The following EPHA3 variants were observed in gnomAD, a reference collection of about 807,000 sequenced individuals.
EPHA3 encodes EPH receptor A3.
In EPHA3, 42 loss-of-function variants were observed where a neutral mutation model predicts 107.1. That is an observed-to-expected ratio of 0.39 (90% CI 0.31 to 0.51). EPHA3 has a LOEUF of 0.51. Ranked by LOEUF, EPHA3 falls within the 20% of genes least tolerant of loss-of-function variation. The pLI is 0.78. For synonymous variants in EPHA3, 461 were observed against 424.8 expected, an observed-to-expected ratio of 1.09 and a Z score of -1.05; for missense variants, 1,183 against 1,211.2, an observed-to-expected ratio of 0.98 and a Z score of 0.35.
chr3:89,477,311 A>AAGCTCTCCAGAG (rs1710536089), intron 16 of EPHA3, among the ~76,000 whole-genome samples: 1 of 152,148 alleles, frequency 6.6e-6, no homozygotes, highest in South Asian at 2.1e-4. Context: ...GGCCTAAGGC[A>AAGCTCTCCAGAG]AGGCACAAGC....
Position 89,208,466 on chromosome 3 carries a change from GA to G in EPHA3, c.154-1391del, listed in dbSNP as rs1320116517. 6.7e-4 allele frequency among the ~76,000 whole-genome samples: 86 copies of G among 128,080 alleles called. 1 individual carries two copies. The highest frequency in any genetic ancestry group is 9.3e-4 in the Non-Finnish European group (57 of 61,538). 84.0% of individuals were successfully genotyped at this position (128,080 alleles called of 152,430 possible). On this transcript the variant is annotated intron_variant, in intron 2 of 16. Coordinates refer to ENST00000336596, the MANE Select transcript of EPHA3 (RefSeq NM_005233.6). ...AGAAAGAAAGAAAGAAAGAAAGAAAGAAAGAAAGAAAGAAAGAGAAAAAGAA... is the reference window on the plus strand; with the variant it reads ...AGAAAGAAAGAAAGAAAGAAAGAAAGAAGAAAGAAAGAAAGAGAAAAAGAA...
intron 2 of EPHA3, among the ~76,000 whole-genome samples, chr3:89,128,148 CT>C (rs1169216285): frequency 6.6e-6 from 1 of 152,118 alleles, no homozygotes. Flanking sequence ...ATTGTAATTA[CT>C]TCCACTTCGT....
intron 2 of EPHA3, among the ~76,000 whole-genome samples, chr3:89,148,774 G>A (rs1250157232): frequency 6.6e-6 from 1 of 151,944 alleles, no homozygotes; most frequent in African/African-American, 2.4e-5. Flanking sequence ...ACTGGTGAAT[G>A]CATCTGAATT....
rs139844377 is a variant in EPHA3 at position 89,391,200 on chromosome 3, T to C, written c.1307-4637T>C. ...AGAAACATTTGAAAGAAGAATAGATTGAAAGCATCATGCAATTCCACTGAC... is the reference window on the plus strand; with the variant it reads ...AGAAACATTTGAAAGAAGAATAGATCGAAAGCATCATGCAATTCCACTGAC... On this transcript the variant is annotated intron_variant, in intron 5 of 16. Transcript: ENST00000336596. Among the ~76,000 whole-genome samples the C allele has an allele frequency of 2.9e-3, 437 of 152,230 alleles. 3 individuals are homozygous for C. Among genetic ancestry groups the C allele is most frequent in the East Asian group, 0.013 (67 of 5,156 alleles).
chr3:89,460,074 ATG>A (rs1258737358), intron 15 of EPHA3, among the ~76,000 whole-genome samples: 1 of 152,070 alleles, frequency 6.6e-6, no homozygotes, highest in Non-Finnish European at 1.5e-5. Context: ...AAAAATGAGA[ATG>A]TGTTTCTATT....
chr3:89,245,083 T>C (rs1181726273), intron 3 of EPHA3, among the ~76,000 whole-genome samples: 1 of 152,216 alleles, frequency 6.6e-6, no homozygotes, highest in East Asian at 1.9e-4. Flanking sequence ...TTGCAATGGT[T>C]TTGATTCACT....
intron 15 of EPHA3, among the ~76,000 whole-genome samples, chr3:89,466,631 G>T (rs1710281811): frequency 7.8e-6 from 1 of 128,470 alleles, no homozygotes; most frequent in African/African-American, 2.9e-5. Flanking sequence ...GACTCGGAAA[G>T]GGAACTCCCT....
intron 1 of EPHA3, among the ~76,000 whole-genome samples, chr3:89,126,070 T>C (rs1420726906): frequency 6.6e-6 from 1 of 151,766 alleles, no homozygotes; most frequent in Non-Finnish European, 1.5e-5. Context: ...GGAAACACTT[T>C]ATAAACAACA....
intron 3 of EPHA3, among the ~76,000 whole-genome samples, chr3:89,235,405 A>G (rs1201855290): frequency 1.3e-5 from 2 of 152,320 alleles, no homozygotes; most frequent in East Asian, 3.9e-4. Context: ...TTACATAAAT[A>G]TATCAACCCA....
chr3:89,213,901 C>T (rs1226550970), intron 3 of EPHA3, among the ~76,000 whole-genome samples: 1 of 151,866 alleles, frequency 6.6e-6, no homozygotes, highest in East Asian at 1.9e-4. Context: ...TTCCTCTTTG[C>T]CTTTAGCAGT....
chr3:89,236,749 T>C (rs1455405183), intron 3 of EPHA3, among the ~76,000 whole-genome samples: 6 of 152,126 alleles, frequency 3.9e-5, no homozygotes, highest in East Asian at 1.9e-4. Flanking sequence ...AAAGAGTAAG[T>C]CCTTAAATTC....
intron 6 of EPHA3, among the ~76,000 whole-genome samples, chr3:89,397,371 C>A (rs1048060241): frequency 6.6e-6 from 1 of 152,058 alleles, no homozygotes; most frequent in African/African-American, 2.4e-5. Flanking sequence ...TATAATAATT[C>A]ATGTTCATAA....
chr3:89,200,334 A>G (rs978715798), intron 2 of EPHA3, among the ~76,000 whole-genome samples: 1 of 152,246 alleles, frequency 6.6e-6, no homozygotes, highest in Non-Finnish European at 1.5e-5. Flanking sequence ...TGGTATATCC[A>G]AAATTCTAAG....
chr3:89,259,446 A>G (rs567569973), intron 3 of EPHA3, among the ~76,000 whole-genome samples: 1 of 152,372 alleles, frequency 6.6e-6, no homozygotes, highest in East Asian at 1.9e-4. Flanking sequence ...CTAGGCGTTC[A>G]CTAAATAAGT....
At chr3:89,127,000 T>C (rs1285252198) in intron 1 of EPHA3, among the ~76,000 whole-genome samples, 1 of 151,854 alleles carries the variant, frequency 6.6e-6, no homozygotes. Flanking sequence ...ATGCAAACAG[T>C]TTAAAAGGAC....
At chr3:89,345,008 A>G (rs2107427027) in intron 5 of EPHA3, among the ~76,000 whole-genome samples, 1 of 151,500 alleles carries the variant, frequency 6.6e-6, no homozygotes, top group Non-Finnish European at 1.5e-5. Flanking sequence ...AAATCTTCAA[A>G]CTTATAACGA....
In EPHA3 at chr3:89,107,831, A is replaced by G. The variant is rs745339448; in HGVS notation, c.83A>G (p.Asn28Ser). Residue 28 changes from asparagine to serine, a missense_variant, in exon 1 of 17, where the codon AAT (asparagine) becomes AGT (serine). Asn to Ser is a conservative substitution (Grantham distance 46, BLOSUM62 1). Coordinates refer to ENST00000336596, the MANE Select transcript of EPHA3 (RefSeq NM_005233.6). ...SFGELIPQPS[N>S]EVNLLDSKTI... ...GGGGAACTGATTCCGCAGCCTTCCA[A>G]TGAAGGTAAGCCAGGTACCGCGACG... 4 of 1,613,924 alleles carry G rather than the reference A, an allele frequency of 2.5e-6. No homozygotes were observed. The highest frequency in any genetic ancestry group is 1.7e-5 in the Admixed American group (1 of 60,022).
At chr3:89,132,850 G>T (rs1053285161) in intron 2 of EPHA3, among the ~76,000 whole-genome samples, 2 of 152,096 alleles carry the variant, frequency 1.3e-5, no homozygotes, top group Non-Finnish European at 2.9e-5. Context: ...CGACTGAGCC[G>T]CTGCACTCTA....
intron 5 of EPHA3, among the ~76,000 whole-genome samples, chr3:89,351,305 G>GAT (rs1707812027): frequency 6.6e-6 from 1 of 151,398 alleles, no homozygotes. Context: ...CCAGGTGTGG[G>GAT]ATATAGTCTC....
Sources: gnomAD v4.1 joint callset for allele counts (sites outside exome capture counted in the v4.1 genomes callset) on GRCh38, gnomAD v4.1.1 for gene constraint, MANE v1.5 for transcripts, NCBI Gene and HGNC (gene_info 2026-07-23, HGNC 2026-07-21) for gene names.